Variants in SEPTIN7 observed in about 807,000 individuals in gnomAD.
SEPTIN7 encodes septin 7, also known as septin-7.
A neutral mutation model predicts 63.3 loss-of-function variants in SEPTIN7; 10 were observed. The ratio of observed to expected loss-of-function variants is 0.16; its 90% CI spans 0.10 to 0.27. SEPTIN7 has a LOEUF of 0.27. Among genes scored for constraint, SEPTIN7 ranks in the 10% least tolerant of loss-of-function variants. SEPTIN7 has a pLI of 1.00. For synonymous variants in SEPTIN7, 131 were observed against 165.3 expected, an observed-to-expected ratio of 0.79 and a Z score of 1.59; for missense variants, 310 against 521.0, an observed-to-expected ratio of 0.59 and a Z score of 3.94.
At chr7:35,908,913 A>G (rs1448106411), downstream of SEPTIN7, among the ~76,000 whole-genome samples, 3 of 152,164 alleles carry the variant, frequency 2.0e-5, no homozygotes, top group South Asian at 2.1e-4. Context: ...TTGAATTTTT[A>G]ATGATCTCTT....
rs369959844 is a variant in SEPTIN7 at position 35,868,410 on chromosome 7, AATG to A, written c.277-4250_277-4248del. On this transcript the variant is annotated intron_variant, in intron 4 of 13. Coordinates refer to ENST00000350320, the MANE Select transcript of SEPTIN7 (RefSeq NM_001788.6). ...GTCTTAAACTAAGTTTTGGGGCTAC[AATG>A]ATGATAGACAAAAAGTTCTCAAAGA... is the stretch of plus-strand genomic sequence containing the variant. Among the ~76,000 whole-genome samples, 363 of 152,314 alleles carry A rather than the reference AATG, an allele frequency of 2.4e-3. 1 individual carries two copies. In the South Asian group the frequency reaches 0.032, roughly 14 times the overall value.
chr7:35,861,471 G>A (rs555627090), intron 3 of SEPTIN7, among the ~76,000 whole-genome samples: 17 of 152,272 alleles, frequency 1.1e-4, no homozygotes, highest in Admixed American at 5.2e-4. Context: ...TGCCCTTAAC[G>A]TAGTGATCAC....
intron 1 of SEPTIN7, among the ~76,000 whole-genome samples, chr7:35,815,884 T>G (rs1277845537): frequency 6.6e-6 from 1 of 152,174 alleles, no homozygotes; most frequent in Non-Finnish European, 1.5e-5. Context: ...TCTTCCCACC[T>G]TTCTTTTACC....
intron 3 of SEPTIN7, among the ~76,000 whole-genome samples, chr7:35,853,205 G>A (rs1785046591): frequency 1.3e-5 from 2 of 152,160 alleles, no homozygotes; most frequent in African/African-American, 4.8e-5. Context: ...GCCGAGGTGG[G>A]AAGATTGCTT....
chr7:35,911,833 T>G (rs1177830848), downstream of SEPTIN7, among the ~76,000 whole-genome samples: 5 of 152,320 alleles, frequency 3.3e-5, no homozygotes. Context: ...TGTTTTTGGA[T>G]ATTGCAAAAT....
chr7:35,836,827 A>T (rs1455864260), intron 3 of SEPTIN7, among the ~76,000 whole-genome samples: 4 of 152,126 alleles, frequency 2.6e-5, no homozygotes, highest in Non-Finnish European at 4.4e-5. Flanking sequence ...GCTGTTGAGC[A>T]TTTTGTGGTA....
intron 2 of SEPTIN7, 64 bp downstream of exon 2, chr7:35,831,560 G>C: frequency 2.5e-6 from 1 of 394,636 alleles, no homozygotes; most frequent in Non-Finnish European, 4.9e-6. Flanking sequence ...TTAATTTATA[G>C]TTGGATGAAA....
chr7:35,845,580 T>C (rs17699873), intron 3 of SEPTIN7, among the ~76,000 whole-genome samples: 5,622 of 152,310 alleles, frequency 0.037, 211 homozygotes, highest in Admixed American at 0.12. Flanking sequence ...AAAACATGGT[T>C]TAGCTGAGTA....
chr7:35,812,008 TC>T, intron 1 of SEPTIN7: 1 of 197,744 alleles, frequency 5.1e-6, no homozygotes, highest in Non-Finnish European at 1.1e-5. Context: ...GTGCCTGTAA[TC>T]CCAGTTACTC....
At chr7:35,861,914 C>T (rs13437979) in intron 3 of SEPTIN7, among the ~76,000 whole-genome samples, 49,555 of 151,960 alleles carry the variant, frequency 0.33, 8,307 homozygotes, top group East Asian at 0.4. Context: ...AAAAGTTTTG[C>T]ATATTTTTTT....
At chr7:35,880,196 C>CTTTTT (rs1786751719) in intron 7 of SEPTIN7, among the ~76,000 whole-genome samples, 5 of 79,578 alleles carry the variant, frequency 6.3e-5, no homozygotes, top group African/African-American at 2.5e-4. Context: ...TTTTTCTTTT[C>CTTTTT]TCTTTTCTTT....
At chr7:35,897,847 A>G (rs1788044818) in intron 11 of SEPTIN7, among the ~76,000 whole-genome samples, 1 of 152,152 alleles carries the variant, frequency 6.6e-6, no homozygotes, top group African/African-American at 2.4e-5. Flanking sequence ...AACACTTGAA[A>G]TTCTGGTAAA....
chr7:35,839,689 TTA>T (rs1418492283), intron 3 of SEPTIN7, among the ~76,000 whole-genome samples: 1 of 152,074 alleles, frequency 6.6e-6, no homozygotes, highest in Non-Finnish European at 1.5e-5. Flanking sequence ...GTAGCTGGGA[TTA>T]TAGGCGCCTG....
chr7:35,823,945 C>CA (rs1783371054), intron 1 of SEPTIN7, among the ~76,000 whole-genome samples: 2 of 151,046 alleles, frequency 1.3e-5, no homozygotes, highest in African/African-American at 4.9e-5. Flanking sequence ...TATCTGTGTC[C>CA]TTACTTAACT....
At chr7:35,823,970 G>A (rs1487583081) in intron 1 of SEPTIN7, among the ~76,000 whole-genome samples, 3 of 147,902 alleles carry the variant, frequency 2.0e-5, no homozygotes, top group Non-Finnish European at 4.5e-5. Context: ...CTGCTACTTG[G>A]TGTTTTCTAT....
intron 6 of SEPTIN7, among the ~76,000 whole-genome samples, chr7:35,878,611 CCTAGA>C (rs1242678588): frequency 6.6e-6 from 1 of 151,964 alleles, no homozygotes; most frequent in Non-Finnish European, 1.5e-5. Flanking sequence ...GACTTGGTGG[CCTAGA>C]CTAAAGTAAT....
chr7:35,860,142 A>T (rs1342173379), intron 3 of SEPTIN7, among the ~76,000 whole-genome samples: 5 of 150,264 alleles, frequency 3.3e-5, no homozygotes, highest in Non-Finnish European at 3.0e-5. Flanking sequence ...TTTTATAGAA[A>T]TTTTCTTTGG....
chr7:35,857,604 C>A (rs993101654), intron 3 of SEPTIN7, among the ~76,000 whole-genome samples: 7 of 152,176 alleles, frequency 4.6e-5, no homozygotes, highest in Admixed American at 3.9e-4. Flanking sequence ...ATTTATGTAT[C>A]CCCTGATATG....
intron 9 of SEPTIN7, among the ~76,000 whole-genome samples, chr7:35,884,562 A>C (rs1787108124): frequency 6.6e-6 from 1 of 152,158 alleles, no homozygotes; most frequent in South Asian, 2.1e-4. Flanking sequence ...GCTCCCAGGG[A>C]ATCTAATGAA....
Sources: allele counts gnomAD v4.1 joint callset (sites outside exome capture counted in the v4.1 genomes callset), GRCh38; gene constraint gnomAD v4.1.1; transcripts MANE v1.5; gene names NCBI Gene and HGNC (gene_info 2026-07-23, HGNC 2026-07-21).